The following RANBP17 variants were observed in gnomAD, a reference collection of about 807,000 sequenced individuals.
RANBP17 encodes the protein RAN binding protein 17.
Under a neutral mutation model 141.2 loss-of-function variants are expected in RANBP17, and 158 were observed. That is an observed-to-expected ratio of 1.12 (90% CI 0.98 to 1.28). The LOEUF is 1.28. Ranked by LOEUF, RANBP17 falls within the 50% of genes most tolerant of loss-of-function variation. The pLI, the probability that RANBP17 is intolerant of heterozygous loss-of-function variation, is 0.00. For missense variants in RANBP17, 1,438 were observed against 1,290.7 expected, an observed-to-expected ratio of 1.11 and a Z score of -1.75; for synonymous variants, 430 against 450.0, an observed-to-expected ratio of 0.96 and a Z score of 0.56.
At chr5:170,954,087 C>T (rs1208579949) in intron 13 of RANBP17, among the ~76,000 whole-genome samples, 1 of 152,166 alleles carries the variant, frequency 6.6e-6, no homozygotes. Flanking sequence ...CTATTGGCCA[C>T]AGTCTTAGGA....
chr5:171,181,110 A>G (rs1760832358), intron 16 of RANBP17, among the ~76,000 whole-genome samples: 1 of 152,180 alleles, frequency 6.6e-6, no homozygotes, highest in Non-Finnish European at 1.5e-5. Flanking sequence ...GACACTAGGA[A>G]TAATCATCAA....
intron 14 of RANBP17, among the ~76,000 whole-genome samples, chr5:171,031,020 C>T (rs1190321172): frequency 6.6e-6 from 1 of 151,892 alleles, no homozygotes; most frequent in Non-Finnish European, 1.5e-5. Flanking sequence ...GAACTTTAAA[C>T]ATTTCCATAT....
chr5:171,251,980 C>G, intron 24 of RANBP17: 1 of 1,609,656 alleles, frequency 6.2e-7, no homozygotes, highest in Non-Finnish European at 8.5e-7. Context: ...TCTTCAAGCA[C>G]TTTATTTTTG....
At chr5:170,898,037 G>A (rs773847818) in intron 5 of RANBP17, among the ~76,000 whole-genome samples, 1 of 152,204 alleles carries the variant, frequency 6.6e-6, no homozygotes, top group Non-Finnish European at 1.5e-5. Context: ...CAATGTAAAA[G>A]CGTTCCTATT....
intron 14 of RANBP17, among the ~76,000 whole-genome samples, chr5:171,060,336 C>T (rs1265629938): frequency 6.7e-6 from 1 of 150,318 alleles, no homozygotes; most frequent in Non-Finnish European, 1.5e-5. Flanking sequence ...TGAGATACGT[C>T]CCATCAATAC....
chr5:170,952,163 T>G (rs565219948), intron 12 of RANBP17, among the ~76,000 whole-genome samples: 105 of 152,154 alleles, frequency 6.9e-4, no homozygotes, highest in Admixed American at 1.4e-3. Flanking sequence ...TATGATAGAC[T>G]TTTATATTGA....
At chr5:171,259,975 T>A (rs1424065778) in intron 24 of RANBP17, among the ~76,000 whole-genome samples, 2 of 145,078 alleles carry the variant, frequency 1.4e-5, no homozygotes, top group African/African-American at 5.1e-5. Flanking sequence ...AGCGAGACTG[T>A]CTCAAAAATC....
At chr5:171,019,894 T>C (rs1780732116) in intron 14 of RANBP17, among the ~76,000 whole-genome samples, 1 of 152,162 alleles carries the variant, frequency 6.6e-6, no homozygotes, top group Non-Finnish European at 1.5e-5. Flanking sequence ...ATTTCTAGCT[T>C]TCTGATATGG....
chr5:171,078,602 C>G (rs1561628163), intron 14 of RANBP17, among the ~76,000 whole-genome samples: 1 of 152,210 alleles, frequency 6.6e-6, no homozygotes, highest in Non-Finnish European at 1.5e-5. Context: ...GCTAATCCAG[C>G]TGGTGGCTTT....
intron 5 of RANBP17, among the ~76,000 whole-genome samples, chr5:170,906,283 G>A (rs964442543): frequency 6.6e-6 from 1 of 152,022 alleles, no homozygotes; most frequent in Non-Finnish European, 1.5e-5. Context: ...TCAATCTGGA[G>A]AAAAATTTCT....
At chr5:171,182,908 AAGG>A (rs2127918511) in intron 16 of RANBP17, among the ~76,000 whole-genome samples, 1 of 152,322 alleles carries the variant, frequency 6.6e-6, no homozygotes, top group Non-Finnish European at 1.5e-5. Flanking sequence ...TTTAATAGTA[AAGG>A]AGTTCTTGTC....
chr5:170,913,117 A>G (rs1561883260), intron 7 of RANBP17, among the ~76,000 whole-genome samples: 1 of 151,970 alleles, frequency 6.6e-6, no homozygotes. Context: ...TATCAAATCT[A>G]AGATAGAATA....
At chr5:171,046,970 A>G (rs889374516) in intron 14 of RANBP17, among the ~76,000 whole-genome samples, 1 of 142,698 alleles carries the variant, frequency 7.0e-6, no homozygotes, top group Non-Finnish European at 1.5e-5. Flanking sequence ...TATTTTTGCC[A>G]TTTTAATGGG....
chr5:170,985,136 GAC>G (rs1203749888), intron 14 of RANBP17, among the ~76,000 whole-genome samples: 3 of 149,768 alleles, frequency 2.0e-5, no homozygotes, highest in Non-Finnish European at 4.5e-5. Context: ...CACAAACACA[GAC>G]ACACACAAAT....
At chr5:171,161,887 T>C (rs964899505) in intron 14 of RANBP17, among the ~76,000 whole-genome samples, 5 of 152,156 alleles carry the variant, frequency 3.3e-5, no homozygotes, top group Non-Finnish European at 7.4e-5. Flanking sequence ...CTTTAGGAGG[T>C]ACGGGGGATT....
intron 14 of RANBP17, chr5:171,161,387 C>G (rs1759342700): frequency 5.1e-6 from 1 of 194,552 alleles, no homozygotes; most frequent in South Asian, 1.9e-4. Flanking sequence ...TGGCAGGTCC[C>G]TAAACTTTGT....
At chr5:170,900,498 G>A (rs566559485) in intron 5 of RANBP17, among the ~76,000 whole-genome samples, 58 of 152,054 alleles carry the variant, frequency 3.8e-4, no homozygotes, top group African/African-American at 1.1e-3. Context: ...AGGGTTGTTC[G>A]TGTCTCTATC....
intron 14 of RANBP17, among the ~76,000 whole-genome samples, chr5:171,058,896 A>G (rs1023464876): frequency 1.3e-5 from 2 of 150,586 alleles, no homozygotes; most frequent in Non-Finnish European, 3.0e-5. Flanking sequence ...TTTGATTTGC[A>G]TTTCTCTGAT....
chr5:171,199,518 A>G lies in RANBP17; in HGVS notation c.2039-152A>G, dbSNP rs868562684. On this transcript the variant is annotated intron_variant, in intron 18 of 27. Coordinates refer to ENST00000523189, the MANE Select transcript of RANBP17 (RefSeq NM_022897.5). ...GAGAAGGCACAACACCAGAATATTC[A>G]GTGAGCAAAAGTACAAAATGTGGCA... The G allele has an allele frequency of 1.5e-4, 68 of 466,244 alleles. 1 individual carries two copies. In the Middle Eastern group the frequency reaches 3.0e-3, roughly 20 times the overall value. The allele number at this position is 466,244 out of a possible 1,614,324, so 28.9% of individuals were successfully genotyped here. A position where few individuals can be genotyped will look rare whatever the true frequency, so the allele number is the denominator to read the frequency against.
Sources: allele counts gnomAD v4.1 joint callset (sites outside exome capture counted in the v4.1 genomes callset), GRCh38; gene constraint gnomAD v4.1.1; transcripts MANE v1.5; gene names NCBI Gene and HGNC (gene_info 2026-07-23, HGNC 2026-07-21).